DOK6: variants seen among roughly 807,000 people sequenced by gnomAD.
DOK6 encodes downstream of tyrosine kinase 6.
In DOK6, 22 loss-of-function variants were observed where a neutral mutation model predicts 44.0. The ratio of observed to expected loss-of-function variants is 0.50; its 90% CI spans 0.36 to 0.71. The LOEUF (loss-of-function observed/expected upper bound fraction) is 0.71, where lower values mean the gene tolerates loss of function less well. Ranked by LOEUF, DOK6 falls within the 30% of genes least tolerant of loss-of-function variation. The probability of loss-of-function intolerance (pLI) is 0.00; values close to 1 mark genes in which losing one functional copy is unlikely to be tolerated. For missense variants in DOK6, 340 were observed against 416.4 expected (o/e 0.82, Z 1.60); for synonymous variants, 166 against 145.5 (o/e 1.14, Z -1.01).
chr18:69,615,000 C>G (rs1250304014), intron 3 of DOK6, among the ~76,000 whole-genome samples: 1 of 151,894 alleles, frequency 6.6e-6, no homozygotes, highest in Non-Finnish European at 1.5e-5. Context: ...GGTACTCATC[C>G]CAGATTATAG....
chr18:69,534,677 G>A (rs1412669801), intron 1 of DOK6, among the ~76,000 whole-genome samples: 1 of 151,500 alleles, frequency 6.6e-6, no homozygotes, highest in African/African-American at 2.4e-5. Flanking sequence ...ACTCCACAAA[G>A]GAGTATGCCA....
At chr18:69,569,324 C>G (rs1983060084) in intron 2 of DOK6, among the ~76,000 whole-genome samples, 2 of 152,182 alleles carry the variant, frequency 1.3e-5, no homozygotes, top group Admixed American at 1.3e-4. Flanking sequence ...CAACTCACAA[C>G]TAAAGCTTAA....
chr18:69,739,604 A>G (rs1017426), intron 6 of DOK6, among the ~76,000 whole-genome samples: 106,833 of 152,086 alleles, frequency 0.7, 39,555 homozygotes, highest in East Asian at 0.85. Flanking sequence ...TTTGTCTATC[A>G]TCTTGTCCTG....
intron 6 of DOK6, among the ~76,000 whole-genome samples, chr18:69,747,948 T>C (rs1258243839): frequency 1.3e-5 from 2 of 152,030 alleles, no homozygotes; most frequent in Non-Finnish European, 2.9e-5. Flanking sequence ...ACCTACCATA[T>C]GTTATACTGG....
At chr18:69,753,703 G>A (rs1222321011) in intron 6 of DOK6, among the ~76,000 whole-genome samples, 2 of 152,160 alleles carry the variant, frequency 1.3e-5, no homozygotes, top group African/African-American at 4.8e-5. Flanking sequence ...GTATGCCAGA[G>A]CATCGTTTCT....
chr18:69,416,857 T>C (rs1313805687), intron 1 of DOK6, among the ~76,000 whole-genome samples: 1 of 152,184 alleles, frequency 6.6e-6, no homozygotes, highest in Non-Finnish European at 1.5e-5. Flanking sequence ...ATGTACTGTT[T>C]TCCTTCTTGC....
At chr18:69,817,312 A>G (rs1324895517) in intron 7 of DOK6, among the ~76,000 whole-genome samples, 3 of 152,206 alleles carry the variant, frequency 2.0e-5, no homozygotes, top group Admixed American at 1.3e-4. Context: ...CTTAAAAAAA[A>G]TGAAAATAAT....
intron 1 of DOK6, among the ~76,000 whole-genome samples, chr18:69,540,663 A>G (rs538747090): frequency 2.0e-4 from 31 of 152,274 alleles, no homozygotes; most frequent in African/African-American, 5.3e-4. Context: ...TTCTTCCATC[A>G]TAGTTTTTCA....
At chr18:69,706,926 G>T (rs970235387) in intron 5 of DOK6, among the ~76,000 whole-genome samples, 5 of 151,670 alleles carry the variant, frequency 3.3e-5, no homozygotes, top group Admixed American at 6.6e-5. Flanking sequence ...TCTTAATCCA[G>T]TCTATCATTG....
Position 69,546,272 on chromosome 18 carries a change from C to T in DOK6, c.67-18215C>T, listed in dbSNP as rs147044515. 3.5e-3 allele frequency among the ~76,000 whole-genome samples: 511 copies of T among 147,082 alleles called. 10 individuals carry two copies. The highest frequency in any genetic ancestry group is 4.2e-3 in the Non-Finnish European group (279 of 66,742). On this transcript the variant is annotated intron_variant, in intron 1 of 7. Transcript: ENST00000382713. ...AGCTTGGACAACAAGAGCAAAACTC[C>T]GTCTCAAAAAAAAAAAAAAGTGTAA...
At chr18:69,638,829 T>A (rs970962487) in intron 3 of DOK6, among the ~76,000 whole-genome samples, 6 of 152,224 alleles carry the variant, frequency 3.9e-5, no homozygotes, top group Non-Finnish European at 7.3e-5. Flanking sequence ...ATACTTGTTT[T>A]TATATATACA....
At position 69,595,232 on chromosome 18, in the gene DOK6, A is replaced by T. The variant is rs556842617; in HGVS notation, c.175-4152A>T. ...AAGTTACCAATGTCTTTTTTTACAG[A>T]ATTAGAAAAACAATTGTGTGGCTAA... On this transcript the variant is annotated intron_variant, in intron 2 of 7. Coordinates refer to ENST00000382713, the MANE Select transcript of DOK6 (RefSeq NM_152721.6). Among the ~76,000 whole-genome samples the T allele has an allele frequency of 2.0e-5, 3 of 152,316 alleles. No individual in the cohort carries two copies. In the East Asian group the frequency reaches 5.8e-4, roughly 29 times the overall value.
intron 7 of DOK6, among the ~76,000 whole-genome samples, chr18:69,834,948 T>A (rs1982001897): frequency 6.6e-6 from 1 of 152,180 alleles, no homozygotes; most frequent in African/African-American, 2.4e-5. Flanking sequence ...AGTCACATCT[T>A]CCTTGGCCTC....
At chr18:69,587,679 C>T (rs972795446) in intron 2 of DOK6, among the ~76,000 whole-genome samples, 1 of 151,978 alleles carries the variant, frequency 6.6e-6, no homozygotes, top group African/African-American at 2.4e-5. Context: ...AATTGCAGCT[C>T]TCAAAGTAAG....
In DOK6 at chr18:69,572,389, T is replaced by C. The variant is rs535651063; in HGVS notation, c.174+7795T>C. 6.9e-4 allele frequency among the ~76,000 whole-genome samples: 105 copies of C among 152,204 alleles called. 1 individual carries two copies. In the South Asian group the frequency reaches 0.018, roughly 26 times the overall value. ...GAAGCCTAGAAGATCTGGCTTTGGG[T>C]AAAAATCATAAGCTTTTACTTCATA... On this transcript the variant is annotated intron_variant, in intron 2 of 7. Coordinates refer to ENST00000382713, the MANE Select transcript of DOK6 (RefSeq NM_152721.6).
At chr18:69,822,016 G>A (rs779870495) in intron 7 of DOK6, among the ~76,000 whole-genome samples, 1 of 151,976 alleles carries the variant, frequency 6.6e-6, no homozygotes, top group Non-Finnish European at 1.5e-5. Flanking sequence ...AACATTGTCT[G>A]TATTCACTCT....
At chr18:69,495,429 T>C (rs184847309) in intron 1 of DOK6, among the ~76,000 whole-genome samples, 24 of 152,244 alleles carry the variant, frequency 1.6e-4, no homozygotes, top group African/African-American at 5.3e-4. Context: ...AAGAGGAGCT[T>C]TACTGAGTGA....
chr18:69,762,196 G>T (rs1318881157), intron 7 of DOK6, among the ~76,000 whole-genome samples: 1 of 150,080 alleles, frequency 6.7e-6, no homozygotes, highest in Admixed American at 6.7e-5. Context: ...CATACATATT[G>T]CAGGGTATGA....
At chr18:69,402,411 T>A (rs529279560) in intron 1 of DOK6, among the ~76,000 whole-genome samples, 3 of 152,270 alleles carry the variant, frequency 2.0e-5, no homozygotes, top group East Asian at 3.9e-4. Flanking sequence ...GGGGAGGACT[T>A]TGCTAATTTT....
Sources: allele counts gnomAD v4.1 joint callset (sites outside exome capture counted in the v4.1 genomes callset), GRCh38; gene constraint gnomAD v4.1.1; transcripts MANE v1.5; gene names NCBI Gene and HGNC (gene_info 2026-07-23, HGNC 2026-07-21).